Variants in CPT1A observed in about 807,000 individuals in gnomAD.
CPT1A encodes the protein carnitine O-palmitoyltransferase 1, liver isoform.
A neutral mutation model predicts 100.8 loss-of-function variants in CPT1A; 64 were observed. The observed-to-expected ratio is 0.63, with a 90% CI of 0.52 to 0.78. CPT1A has a LOEUF of 0.78. Among genes scored for constraint, CPT1A ranks in the 30% least tolerant of loss-of-function variants. The probability of loss-of-function intolerance (pLI) is 0.00; values close to 1 mark genes in which losing one functional copy is unlikely to be tolerated. For synonymous variants in CPT1A, 363 were observed against 396.0 expected (o/e 0.92, Z 0.99); for missense variants, 802 against 1,034.1 (o/e 0.78, Z 3.08).
At chr11:68,798,921 GGAGGCC>G (rs1461526356) in intron 6 of CPT1A, among the ~76,000 whole-genome samples, 1 of 152,146 alleles carries the variant, frequency 6.6e-6, no homozygotes, top group Non-Finnish European at 1.5e-5. Flanking sequence ...CAGCACTTTG[GGAGGCC>G]GAGGTGGGAG....
rs757593086 is a variant in CPT1A, at chr11:68,781,783, C to T, written c.1340G>A (p.Arg447Gln). ...DSYAKSLLHG[R>Q]CYDRWFDKSF... is the part of the protein sequence containing the mutation. ...GTAAGGACGGTACCTGTCGTAACAT[C>T]GGCCGTGTAGTAGAGATTTGGCGTA... The change falls in exon 11 of 19, where the codon CGA becomes CAA. Residue 447 changes from arginine to glutamine, a missense_variant. Physicochemically the swap from Arg to Gln is conservative, Grantham distance 43. Transcript: ENST00000265641. The T allele has an allele frequency of 8.7e-5, 141 of 1,614,060 alleles. No individual in the cohort carries two copies. The highest frequency in any genetic ancestry group is 1.3e-4 in the South Asian group (12 of 91,080).
intron 12 of CPT1A, among the ~76,000 whole-genome samples, chr11:68,777,618 C>A (rs1205641633): frequency 1.3e-5 from 2 of 152,180 alleles, no homozygotes; most frequent in African/African-American, 4.8e-5. Flanking sequence ...ACGCTAACAA[C>A]TAAACACCAC....
intron 1 of CPT1A, among the ~76,000 whole-genome samples, chr11:68,837,947 G>A (rs568854183): frequency 6.6e-6 from 1 of 152,180 alleles, no homozygotes; most frequent in Non-Finnish European, 1.5e-5. Flanking sequence ...TTAGGAAGAA[G>A]TAGCAGCACT....
At position 68,838,418 on chromosome 11, in the gene CPT1A, A is replaced by G. The variant is rs144937887; in HGVS notation, c.-14+3357T>C. Reference sequence around the variant, plus strand: ...TTTACACAAGGTAACAAATATTTGAAGCTAGCAAGCAGAAAAAAGTCCTTA... The same window carrying G: ...TTTACACAAGGTAACAAATATTTGAGGCTAGCAAGCAGAAAAAAGTCCTTA... On this transcript the variant is annotated intron_variant, in intron 1 of 18. Coordinates refer to ENST00000265641, the MANE Select transcript of CPT1A (RefSeq NM_001876.4). Among the ~76,000 whole-genome samples the G allele has an allele frequency of 1.6e-3, 243 of 152,058 alleles. 1 individual carries two copies. The highest frequency in any genetic ancestry group is 0.013 in the Admixed American group (205 of 15,250).
intron 9 of CPT1A, among the ~76,000 whole-genome samples, chr11:68,790,582 G>C (rs1855587060): frequency 6.6e-6 from 1 of 152,080 alleles, no homozygotes; most frequent in Non-Finnish European, 1.5e-5. Context: ...AGGCATAAAG[G>C]CCTCCCCCAG....
chr11:68,758,446 A>G (rs1946735552), intron 18 of CPT1A, among the ~76,000 whole-genome samples: 1 of 152,156 alleles, frequency 6.6e-6, no homozygotes, highest in African/African-American at 2.4e-5. Context: ...CCACAGAGGA[A>G]GCCGGGGGTC....
Position 68,815,411 on chromosome 11 carries a change from G to A in CPT1A, c.64C>T (p.Arg22Trp), listed in dbSNP as rs939791036. 4 of 1,614,066 alleles carry A rather than the reference G, an allele frequency of 2.5e-6. No homozygotes were observed. Among genetic ancestry groups the A allele is most frequent in the Non-Finnish European group, 3.4e-6 (4 of 1,179,934 alleles). ...TGTCTAAGAGCTTCATGGCTCAGCC[G>A]CAGGTCAATCCCGTCCGGAGTGACC... The part of the protein sequence containing the change: ...FTVTPDGIDL[R>W]LSHEALRQIY... The change falls in exon 2 of 19, where the codon CGG becomes TGG. Residue 22 changes from arginine to tryptophan, a missense_variant. Coordinates refer to ENST00000265641, the MANE Select transcript of CPT1A (RefSeq NM_001876.4).
intron 12 of CPT1A, among the ~76,000 whole-genome samples, chr11:68,775,749 G>T (rs983134070): frequency 6.6e-6 from 1 of 152,296 alleles, no homozygotes; most frequent in Non-Finnish European, 1.5e-5. Context: ...TAGCATCAGC[G>T]GCATCCAAGC....
intron 5 of CPT1A, among the ~76,000 whole-genome samples, 191 bp from the exon 6 acceptor site, chr11:68,799,546 C>T (rs1855847366): frequency 6.6e-6 from 1 of 151,922 alleles, no homozygotes; most frequent in Non-Finnish European, 1.5e-5. Flanking sequence ...CTCAGGAGTT[C>T]AAGACCAGCC....
At chr11:68,823,954 T>C (rs559126450) in intron 1 of CPT1A, among the ~76,000 whole-genome samples, 153 of 148,894 alleles carry the variant, frequency 1.0e-3, no homozygotes, top group African/African-American at 3.6e-3. Flanking sequence ...GACATAAAGA[T>C]GGAAGTGACA....
In CPT1A at chr11:68,812,521, A is replaced by G; in HGVS notation, c.197T>C (p.Val66Ala). 6.2e-7 allele frequency: 1 copy of G among 1,614,100 alleles called. No individual in the cohort carries two copies. The highest frequency in any genetic ancestry group is 1.1e-5 in the South Asian group (1 of 91,076). ...PASPSSWLIV[V>A]VGVMTTMYAK... Reference sequence around the variant, plus strand: ...GTACATCGTTGTCATCACGCCCACCACCACGATAAGCCAACTGGAGGGGCT... The same window carrying G: ...GTACATCGTTGTCATCACGCCCACCGCCACGATAAGCCAACTGGAGGGGCT... Residue 66 changes from valine (V) to alanine (A), a missense_variant, in exon 3 of 19, where the codon GTG becomes GCG. Physicochemically the swap from Val to Ala is moderately conservative, Grantham distance 64. Transcript: ENST00000265641.
chr11:68,787,669 C>G (rs557230773), intron 9 of CPT1A, among the ~76,000 whole-genome samples: 3 of 151,792 alleles, frequency 2.0e-5, no homozygotes, highest in African/African-American at 7.3e-5. Context: ...GGGTTGGGTG[C>G]GGTGGCTCAC....
intron 9 of CPT1A, among the ~76,000 whole-genome samples, chr11:68,786,190 T>C (rs1274062172): frequency 6.6e-6 from 1 of 152,104 alleles, no homozygotes; most frequent in African/African-American, 2.4e-5. Context: ...GGCAAAACCC[T>C]ATCTCTACAA....
At chr11:68,785,206 C>T (rs1167708937) in intron 9 of CPT1A, among the ~76,000 whole-genome samples, 196 bp from the exon 10 acceptor site, 1 of 152,072 alleles carries the variant, frequency 6.6e-6, no homozygotes. Context: ...ATCGGAGAGG[C>T]CTGACTTCTG....
Position 68,762,757 on chromosome 11 carries a change from A to C in CPT1A, c.1745T>G (p.Met582Arg), listed in dbSNP as rs369312504. The change falls in exon 15 of 19, where the codon ATG becomes AGG. Residue 582 changes from methionine to arginine, a missense_variant. Physicochemically the swap from Met to Arg is moderately conservative, Grantham distance 91. Around this residue, in one of 4 missense-constraint regions of CPT1A, gnomAD observed 627 missense variants for 799.3 expected, o/e 0.78. Transcript: ENST00000265641. ...LALQLAHYKDMGKFCLTYEAS... is the reference protein window; with the variant it reads ...LALQLAHYKDRGKFCLTYEAS... ...CTCGTATGTGAGGCAAAACTTGCCC[A>C]TGTCCTGGGGAAAGAGAAGTACTTC... The C allele has an allele frequency of 2.0e-5, 32 of 1,614,128 alleles. No homozygotes were observed. The South Asian group carries it at 3.0e-4, about 15-fold the overall frequency.
intron 7 of CPT1A, among the ~76,000 whole-genome samples, chr11:68,795,929 A>T (rs1299788024): frequency 6.6e-6 from 1 of 152,046 alleles, no homozygotes; most frequent in Non-Finnish European, 1.5e-5. Context: ...AGAAAAGAAA[A>T]AGTAAATGAT....
intron 4 of CPT1A, among the ~76,000 whole-genome samples, chr11:68,805,372 G>T (rs1856012301): frequency 6.6e-6 from 1 of 151,936 alleles, no homozygotes; most frequent in African/African-American, 2.4e-5. Flanking sequence ...AATCGCTTGA[G>T]CCCGGGAGGC....
intron 15 of CPT1A, among the ~76,000 whole-genome samples, 174 bp downstream of exon 15, chr11:68,762,453 T>C (rs1163470638): frequency 6.6e-6 from 1 of 152,234 alleles, no homozygotes; most frequent in African/African-American, 2.4e-5. Context: ...TACCTTTTAA[T>C]ATTTTAATAC....
At chr11:68,827,925 C>G (rs1856773732) in intron 1 of CPT1A, among the ~76,000 whole-genome samples, 1 of 152,232 alleles carries the variant, frequency 6.6e-6, no homozygotes, top group Admixed American at 6.5e-5. Context: ...CTGGCAGGAA[C>G]CAGTCTGCTC....
Sources: allele counts gnomAD v4.1 joint callset (sites outside exome capture counted in the v4.1 genomes callset), GRCh38; gene constraint gnomAD v4.1.1; regional missense constraint gnomAD v4.1.1; transcripts MANE v1.5; gene names NCBI Gene and HGNC (gene_info 2026-07-23, HGNC 2026-07-21).